INO80: variants seen among roughly 807,000 people sequenced by gnomAD.
INO80 encodes the protein INO80 complex ATPase subunit.
INO80 carries 20 observed loss-of-function variants against 203.4 expected under a neutral mutation model. That is an observed-to-expected ratio of 0.10 (90% CI 0.07 to 0.14). The LOEUF (loss-of-function observed/expected upper bound fraction) is 0.14, where lower values mean the gene tolerates loss of function less well. Ranked by LOEUF, INO80 falls within the 10% of genes least tolerant of loss-of-function variation. INO80 has a pLI of 1.00. For synonymous variants in INO80, 726 were observed against 685.2 expected, an observed-to-expected ratio of 1.06 and a Z score of -0.93; for missense variants, 1,419 against 1,914.4, an observed-to-expected ratio of 0.74 and a Z score of 4.83.
Position 41,096,149 on chromosome 15 carries a change from C to T in INO80, c.143+19G>A. 1.3e-6 allele frequency: 2 copies of T among 1,582,242 alleles called. No homozygotes were observed. The highest frequency in any genetic ancestry group is 1.7e-6 in the Non-Finnish European group (2 of 1,168,638). On this transcript the variant is annotated intron_variant, in intron 2 of 35. Coordinates refer to ENST00000648947, the MANE Select transcript of INO80 (RefSeq NM_017553.3). ...ATCAGGAATTTGGTAAAACATATTGCAAAGATACAATAACATACCTAGAAA... is the reference window on the plus strand; with the variant it reads ...ATCAGGAATTTGGTAAAACATATTGTAAAGATACAATAACATACCTAGAAA...
chr15:40,982,990 T>C lies in INO80; in HGVS notation c.4325A>G (p.Lys1442Arg). The change falls in exon 35 of 36, where the codon AAA becomes AGA. Residue 1442 changes from lysine (K) to arginine (R), a missense_variant. Lys to Arg is a conservative substitution (Grantham distance 26). Coordinates refer to ENST00000648947, the MANE Select transcript of INO80 (RefSeq NM_017553.3). The part of the protein sequence containing the change: ...GRPKGSGSTA[K>R]GAGKGRSRKS... ...TCGGCTCCGGCCCTTCCCTGCTCCT[T>C]TGGCTGTGCTTCCTGAACCTTTGGG... 1 of 1,614,174 alleles carries C rather than the reference T, an allele frequency of 6.2e-7. No homozygotes were observed. Among genetic ancestry groups the C allele is most frequent in the East Asian group, 2.2e-5 (1 of 44,882 alleles).
At chr15:41,114,006 CGCCTGTAATCTCA>C (rs1275118357) in intron 1 of INO80, among the ~76,000 whole-genome samples, 2 of 152,148 alleles carry the variant, frequency 1.3e-5, no homozygotes, top group African/African-American at 4.8e-5. Flanking sequence ...CGGTGGCTCA[CGCCTGTAATCTCA>C]GCACTTTGGG....
chr15:41,073,143 G>T (rs893903195), intron 11 of INO80, among the ~76,000 whole-genome samples: 7 of 150,468 alleles, frequency 4.7e-5, no homozygotes, highest in South Asian at 2.1e-4. Flanking sequence ...GATTACTCAA[G>T]AGAAAGAAAA....
chr15:41,001,728 C>T (rs1322037560), intron 28 of INO80, among the ~76,000 whole-genome samples: 1 of 152,176 alleles, frequency 6.6e-6, no homozygotes, highest in Non-Finnish European at 1.5e-5. Flanking sequence ...CTCAGTCAGA[C>T]TTTTTCCTGG....
At position 41,098,160 on chromosome 15, in the gene INO80, T is replaced by TA. The variant is rs1244111729; in HGVS notation, c.-43-1808dup. On this transcript the variant is annotated intron_variant, in intron 1 of 35. Transcript: ENST00000648947. ...CCACCACGCCCGGCCAACTAAGTGA[T>TA]AAGCTTTAAAGGCAATCATACATCT... Among the ~76,000 whole-genome samples, 3 of 152,192 alleles carry TA rather than the reference T, an allele frequency of 2.0e-5. No homozygotes were observed. In the East Asian group the frequency reaches 5.8e-4, roughly 29 times the overall value.
At chr15:40,982,796 G>A in intron 35 of INO80, 66 bp downstream of exon 35, 1 of 1,331,794 alleles carries the variant, frequency 7.5e-7, no homozygotes, top group Non-Finnish European at 1.1e-6. Context: ...TGTTCTACCT[G>A]ACTGACAGAA....
At chr15:41,022,367 G>A (rs1269578967) in intron 25 of INO80, among the ~76,000 whole-genome samples, 3 of 152,138 alleles carry the variant, frequency 2.0e-5, no homozygotes, top group African/African-American at 7.2e-5. Context: ...CTTTTGTGTT[G>A]ATCAAGCTTT....
At chr15:41,113,436 T>C (rs2045985406) in intron 1 of INO80, among the ~76,000 whole-genome samples, 1 of 151,852 alleles carries the variant, frequency 6.6e-6, no homozygotes, top group Non-Finnish European at 1.5e-5. Flanking sequence ...CCAGCTAATT[T>C]TTTGTATTTT....
At chr15:41,044,687 A>C (rs932859366) in intron 24 of INO80, among the ~76,000 whole-genome samples, 6 of 77,402 alleles carry the variant, frequency 7.8e-5, no homozygotes, top group African/African-American at 1.9e-4. Context: ...TGTGTACTTC[A>C]CAGTATTGTA....
At chr15:41,013,251 G>A (rs905436387) in intron 27 of INO80, 1 of 152,200 alleles carries the variant, frequency 6.6e-6, no homozygotes, top group Non-Finnish European at 1.5e-5. Context: ...GAGGGTATAC[G>A]ATTTCAAGAG....
At chr15:41,030,646 G>A (rs746974636) in intron 24 of INO80, among the ~76,000 whole-genome samples, 44 of 151,814 alleles carry the variant, frequency 2.9e-4, no homozygotes, top group Non-Finnish European at 5.6e-4. Context: ...ATAGGCATGA[G>A]CCACCACACC....
intron 9 of INO80, among the ~76,000 whole-genome samples, chr15:41,077,220 T>A (rs1018276865): frequency 8.1e-5 from 3 of 36,926 alleles, no homozygotes; most frequent in African/African-American, 1.0e-3. Flanking sequence ...TTTGCTTTAT[T>A]TTTTTTTTTT....
chr15:40,982,896 A>C lies in INO80; in HGVS notation c.4419T>G (p.Ala1473=), dbSNP rs531570173. The change falls in exon 35 of 36, where the codon GCT becomes GCG. Residue 1473 remains alanine (A), a synonymous_variant. Coordinates refer to ENST00000648947, the MANE Select transcript of INO80 (RefSeq NM_017553.3). ...AKAGAAAASA[A]AYAAYGYNVS... is the part of the protein sequence containing the mutation. ...CGTTGTACCCGTATGCGGCATAGGC[A>C]GCTGCAGAGGCCGCTGCAGCCCCGG... 1.9e-6 allele frequency: 3 copies of C among 1,613,830 alleles called. No individual in the cohort carries two copies. Among genetic ancestry groups the C allele is most frequent in the Admixed American group, 3.3e-5 (2 of 60,030 alleles).
chr15:41,085,757 G>A (rs1566943584), intron 6 of INO80, among the ~76,000 whole-genome samples, 174 bp from the exon 7 acceptor site: 1 of 152,172 alleles, frequency 6.6e-6, no homozygotes, highest in Non-Finnish European at 1.5e-5. Flanking sequence ...TAACAGAGAA[G>A]AAGAAACATA....
At chr15:41,035,325 A>G (rs955577550) in intron 24 of INO80, among the ~76,000 whole-genome samples, 1 of 152,112 alleles carries the variant, frequency 6.6e-6, no homozygotes, top group Non-Finnish European at 1.5e-5. Context: ...ACCTGATCCT[A>G]ACACTCTGGG....
At chr15:41,077,255 AAG>A (rs1437659886) in intron 9 of INO80, among the ~76,000 whole-genome samples, 1 of 151,166 alleles carries the variant, frequency 6.6e-6, no homozygotes, top group Non-Finnish European at 1.5e-5. Context: ...TTATTGGTCC[AAG>A]AGTCATTATT....
intron 14 of INO80, among the ~76,000 whole-genome samples, chr15:41,065,910 C>G (rs1156800997): frequency 4.6e-5 from 7 of 150,794 alleles, no homozygotes; most frequent in African/African-American, 7.3e-5. Flanking sequence ...TCTGTTTGGG[C>G]TGATGAAAAA....
chr15:41,041,379 C>A (rs1201832902), intron 24 of INO80, among the ~76,000 whole-genome samples: 7 of 151,664 alleles, frequency 4.6e-5, no homozygotes, highest in Non-Finnish European at 7.4e-5. Flanking sequence ...GAATGAGCCA[C>A]GATGCCTAGC....
chr15:41,082,361 C>T (rs892258644), intron 7 of INO80, among the ~76,000 whole-genome samples: 1 of 151,328 alleles, frequency 6.6e-6, no homozygotes, highest in South Asian at 2.1e-4. Context: ...TCCAGGAGTT[C>T]GAGACTAGCC....
Sources: gnomAD v4.1 joint callset for allele counts (sites outside exome capture counted in the v4.1 genomes callset) on GRCh38, gnomAD v4.1.1 for gene constraint, MANE v1.5 for transcripts, NCBI Gene and HGNC (gene_info 2026-07-23, HGNC 2026-07-21) for gene names.